The following CIMIP6 variants were observed in gnomAD, a reference collection of about 807,000 sequenced individuals.
CIMIP6 encodes ciliary microtubule inner protein 6, also known as uncharacterized protein C2orf73.
the CIMIP6 span, among the ~76,000 whole-genome samples, chr2:54,353,505 G>A: frequency 6.6e-6 from 1 of 151,978 alleles, no homozygotes; most frequent in African/African-American, 2.4e-5. Flanking sequence ...CAGGGCTCTT[G>A]GTTTTCAAGG....
chr2:54,373,212 G>A, the CIMIP6 span, among the ~76,000 whole-genome samples: 2 of 151,828 alleles, frequency 1.3e-5, no homozygotes, highest in African/African-American at 2.4e-5. Flanking sequence ...CTTCACAGTC[G>A]GGCAGCCCCT....
the CIMIP6 span, among the ~76,000 whole-genome samples, chr2:54,348,423 T>C: frequency 6.6e-6 from 1 of 152,234 alleles, no homozygotes; most frequent in Non-Finnish European, 1.5e-5. Context: ...TTTCTTTTTC[T>C]TTCTCTGTTC....
At chr2:54,361,971 A>C in the CIMIP6 span, among the ~76,000 whole-genome samples, 2 of 152,228 alleles carry the variant, frequency 1.3e-5, no homozygotes, top group Non-Finnish European at 2.9e-5. Flanking sequence ...CTCCACTCAT[A>C]TAACCAGGAA....
the CIMIP6 span, chr2:54,331,071 G>C: frequency 3.3e-6 from 5 of 1,506,170 alleles, no homozygotes; most frequent in Non-Finnish European, 4.6e-6. Flanking sequence ...GGGAGGCCGG[G>C]ATCCAGCATG....
the CIMIP6 span, chr2:54,331,038 A>C: frequency 6.2e-7 from 1 of 1,611,220 alleles, no homozygotes; most frequent in Non-Finnish European, 8.5e-7. Context: ...TTCCCTTTCC[A>C]AAAACTATTT....
the CIMIP6 span, among the ~76,000 whole-genome samples, chr2:54,348,100 A>G: frequency 6.6e-6 from 1 of 152,206 alleles, no homozygotes; most frequent in East Asian, 1.9e-4. Flanking sequence ...TTAACTGGAA[A>G]TCACAGCAAC....
chr2:54,338,001 A>G, the CIMIP6 span, among the ~76,000 whole-genome samples: 1 of 152,160 alleles, frequency 6.6e-6, no homozygotes, highest in African/African-American at 2.4e-5. Flanking sequence ...GCTGGGTGTA[A>G]TGGTGTACGC....
At chr2:54,359,051 C>T in the CIMIP6 span, 1 of 1,529,722 alleles carries the variant, frequency 6.5e-7, no homozygotes, top group Non-Finnish European at 8.8e-7. Flanking sequence ...CAGAAAAACT[C>T]CGAATGAGCC....
chr2:54,355,416 A>G, the CIMIP6 span, among the ~76,000 whole-genome samples: 1 of 152,242 alleles, frequency 6.6e-6, no homozygotes, highest in East Asian at 1.9e-4. Flanking sequence ...GCCTCCTTAA[A>G]GTTTTGCATC....
the CIMIP6 span, among the ~76,000 whole-genome samples, chr2:54,349,830 T>A: frequency 1.2e-4 from 18 of 151,894 alleles, no homozygotes; most frequent in South Asian, 3.7e-3. Context: ...CCCCTTTATT[T>A]CCGTGATGAA....
chr2:54,334,937 A>G, the CIMIP6 span: 2 of 1,598,222 alleles, frequency 1.3e-6, no homozygotes, highest in South Asian at 1.1e-5. Context: ...GAGGACGTAT[A>G]TATTATGCTA....
chr2:54,346,645 C>T, the CIMIP6 span, among the ~76,000 whole-genome samples: 1 of 152,204 alleles, frequency 6.6e-6, no homozygotes, highest in Non-Finnish European at 1.5e-5. Flanking sequence ...TCTCCTTTCA[C>T]TCCCTGCCCC....
chr2:54,356,352 C>T, the CIMIP6 span, among the ~76,000 whole-genome samples: 3 of 152,264 alleles, frequency 2.0e-5, no homozygotes, highest in South Asian at 6.2e-4. Flanking sequence ...CAGTTGCTGC[C>T]AGTTTCTGTG....
At chr2:54,343,865 G>T in the CIMIP6 span, 1 of 1,598,940 alleles carries the variant, frequency 6.3e-7, no homozygotes, top group East Asian at 2.2e-5. Context: ...AAGCCTTCTT[G>T]TGGAATAGGT....
chr2:54,356,453 A>G, the CIMIP6 span, among the ~76,000 whole-genome samples: 60,274 of 151,994 alleles, frequency 0.4, 12,854 homozygotes, highest in Admixed American at 0.49. Flanking sequence ...CTTCTTGGCT[A>G]CATCTGACCT....
At chr2:54,361,797 G>A in the CIMIP6 span, among the ~76,000 whole-genome samples, 25 of 152,322 alleles carry the variant, frequency 1.6e-4, no homozygotes, top group African/African-American at 5.1e-4. Context: ...GGGAGAGGTT[G>A]TTAGCATGTT....
the CIMIP6 span, among the ~76,000 whole-genome samples, chr2:54,363,682 T>A: frequency 6.6e-6 from 1 of 152,216 alleles, no homozygotes; most frequent in Non-Finnish European, 1.5e-5. Context: ...TTCCCTGCTT[T>A]CTAACTCTAT....
At chr2:54,334,913 A>G in the CIMIP6 span, 1 of 1,583,458 alleles carries the variant, frequency 6.3e-7, no homozygotes, top group Admixed American at 1.8e-5. Context: ...ATCATTCAAA[A>G]TCACATGTTG....
chr2:54,380,221 A>G, the CIMIP6 span, among the ~76,000 whole-genome samples: 30 of 152,250 alleles, frequency 2.0e-4, no homozygotes, highest in Non-Finnish European at 4.0e-4. Context: ...TGTATTTATG[A>G]TACCTCCTTT....
Sources: allele counts gnomAD v4.1 joint callset (sites outside exome capture counted in the v4.1 genomes callset), GRCh38; gene constraint gnomAD v4.1.1; transcripts MANE v1.5; gene names NCBI Gene and HGNC (gene_info 2026-07-23, HGNC 2026-07-21).